The following SH3D19 variants were observed in gnomAD, a reference collection of about 807,000 sequenced individuals.
The protein encoded by SH3D19 is SH3 domain-containing protein 19.
In SH3D19, 58 loss-of-function variants were observed where a neutral mutation model predicts 112.1. The ratio of observed to expected loss-of-function variants is 0.52; its 90% CI spans 0.42 to 0.64. The LOEUF (loss-of-function observed/expected upper bound fraction) is 0.64, where lower values mean the gene tolerates loss of function less well. Among genes scored for constraint, SH3D19 ranks in the 30% least tolerant of loss-of-function variants. The pLI, the probability that SH3D19 is intolerant of heterozygous loss-of-function variation, is 0.00. For missense variants in SH3D19, 1,090 were observed against 1,263.4 expected, an observed-to-expected ratio of 0.86 and a Z score of 2.08; for synonymous variants, 391 against 448.5, an observed-to-expected ratio of 0.87 and a Z score of 1.62.
chr4:151,166,209 G>A (rs1252590528), intron 7 of SH3D19: 1 of 152,132 alleles, frequency 6.6e-6, no homozygotes, highest in African/African-American at 2.4e-5. Context: ...CTACACTTCA[G>A]TAACATGAAA....
intron 13 of SH3D19, among the ~76,000 whole-genome samples, chr4:151,138,684 TCTCACA>T (rs745689043): frequency 0.16 from 22,371 of 135,676 alleles, 2,089 homozygotes; most frequent in Middle Eastern, 0.21. Context: ...CAAGATCTTG[TCTCACA>T]CACACACACA....
chr4:151,251,173 TTTG>T (rs1771350563), intron 1 of SH3D19, among the ~76,000 whole-genome samples: 1 of 121,870 alleles, frequency 8.2e-6, no homozygotes, highest in Non-Finnish European at 2.0e-5. Context: ...TGCCAACCCA[TTTG>T]TTCTTTCTTT....
At chr4:151,165,561 C>T (rs750808523) in intron 8 of SH3D19, 28 bp downstream of exon 8, 3 of 1,533,852 alleles carry the variant, frequency 2.0e-6, no homozygotes, top group Non-Finnish European at 1.8e-6. Context: ...CTTGAAGAAG[C>T]TAATAAAGAA....
At chr4:151,227,638 C>T in intron 1 of SH3D19, 1 of 479,918 alleles carries the variant, frequency 2.1e-6, no homozygotes, top group Non-Finnish European at 2.7e-6. Context: ...TCATTTCTCT[C>T]AATCATTCTC....
intron 4 of SH3D19, among the ~76,000 whole-genome samples, chr4:151,178,577 A>G (rs1291857850): frequency 6.6e-6 from 1 of 152,196 alleles, no homozygotes; most frequent in Non-Finnish European, 1.5e-5. Context: ...TGATGTAGGT[A>G]TGATTAGCAC....
intron 1 of SH3D19, among the ~76,000 whole-genome samples, chr4:151,275,750 G>A (rs1269349954): frequency 6.6e-6 from 1 of 151,836 alleles, no homozygotes; most frequent in Non-Finnish European, 1.5e-5. Context: ...CAAACTCCTG[G>A]TCTCAAGGGA....
intron 1 of SH3D19, among the ~76,000 whole-genome samples, chr4:151,229,034 A>AT (rs1173784673): frequency 3.4e-4 from 27 of 79,794 alleles, no homozygotes; most frequent in African/African-American, 1.7e-4. Flanking sequence ...TAGCTAATTA[A>AT]ATTTTTTTTT....
At chr4:151,274,804 T>C (rs1773465499) in intron 1 of SH3D19, among the ~76,000 whole-genome samples, 1 of 152,190 alleles carries the variant, frequency 6.6e-6, no homozygotes, top group South Asian at 2.1e-4. Context: ...ATTTATTTCC[T>C]CACAGTTCTG....
At chr4:151,187,901 A>T (rs1021393298) in intron 2 of SH3D19, among the ~76,000 whole-genome samples, 1 of 152,172 alleles carries the variant, frequency 6.6e-6, no homozygotes, top group South Asian at 2.1e-4. Flanking sequence ...TTTCTTCTTA[A>T]GATTAGAATT....
At chr4:151,194,274 A>C (rs1763081462) in intron 2 of SH3D19, among the ~76,000 whole-genome samples, 1 of 151,534 alleles carries the variant, frequency 6.6e-6, no homozygotes, top group African/African-American at 2.4e-5. Flanking sequence ...TGATCCACCC[A>C]CCACGGCCTC....
At chr4:151,306,581 A>G (rs1322609311) in intron 1 of SH3D19, among the ~76,000 whole-genome samples, 1 of 152,238 alleles carries the variant, frequency 6.6e-6, no homozygotes. Context: ...TAAAACCCCA[A>G]TTCTTCATTA....
At chr4:151,307,050 G>A (rs1314604931) in intron 1 of SH3D19, among the ~76,000 whole-genome samples, 1 of 131,940 alleles carries the variant, frequency 7.6e-6, no homozygotes, top group Non-Finnish European at 1.5e-5. Context: ...ACGGAGTCTC[G>A]CTCTGTCGCC....
chr4:151,165,613 G>T lies in SH3D19; in HGVS notation c.1618C>A (p.Arg540=). Residue 540 remains arginine (R), a synonymous_variant, in exon 8 of 20, where the codon CGA becomes AGA. Coordinates refer to ENST00000604030, the MANE Select transcript of SH3D19 (RefSeq NM_001378122.1). Reference sequence around the variant, plus strand: ...CATTTTCCTGGTTTGGCTGGAATTCGAATTACAGTGGGCTTCCTGGTGGGT... The same window carrying T: ...CATTTTCCTGGTTTGGCTGGAATTCTAATTACAGTGGGCTTCCTGGTGGGT... ...PAPTRKPTVI[R]IPAKPGKCLH... is the part of the protein sequence containing the mutation. 6.2e-7 allele frequency: 1 copy of T among 1,614,022 alleles called. No homozygotes were observed. The highest frequency in any genetic ancestry group is 8.5e-7 in the Non-Finnish European group (1 of 1,179,948).
intron 19 of SH3D19, among the ~76,000 whole-genome samples, chr4:151,126,525 G>A (rs1462676798): frequency 1.3e-5 from 2 of 152,058 alleles, no homozygotes. Context: ...GCCGGGCGCG[G>A]TGGCTCACGC....
At chr4:151,305,275 AC>A (rs1341891633) in intron 1 of SH3D19, among the ~76,000 whole-genome samples, 1 of 152,210 alleles carries the variant, frequency 6.6e-6, no homozygotes, top group Non-Finnish European at 1.5e-5. Context: ...ATCAATACAA[AC>A]TGTTCTTTCT....
rs1309442731 is a variant in SH3D19 at position 151,120,589 on chromosome 4, C to T, written c.*1502G>A. 6.6e-6 allele frequency: 1 copy of T among 152,108 alleles called. No homozygotes were observed. The allele number at this position is 152,108 out of a possible 1,614,324, so 9.4% of individuals were successfully genotyped here. On this transcript the variant is annotated 3_prime_UTR_variant, in exon 20 of 20. Transcript: ENST00000604030. ...AAATTTGACAAGAATTTTCTTTATA[C>T]TCTCTTCTTTACCAAAACGTATTAG...
At chr4:151,282,232 CA>C in intron 1 of SH3D19, 1 of 1,613,892 alleles carries the variant, frequency 6.2e-7, no homozygotes, top group Non-Finnish European at 8.5e-7. Context: ...ACTACGTGTC[CA>C]AAATCGTCAT....
At chr4:151,306,358 T>C (rs925290809) in intron 1 of SH3D19, among the ~76,000 whole-genome samples, 3 of 152,236 alleles carry the variant, frequency 2.0e-5, no homozygotes, top group Non-Finnish European at 4.4e-5. Context: ...GTCATTTTTC[T>C]TATTTTAATA....
At chr4:151,236,102 G>C (rs562654326) in intron 1 of SH3D19, among the ~76,000 whole-genome samples, 47 of 152,350 alleles carry the variant, frequency 3.1e-4, no homozygotes, top group African/African-American at 1.1e-3. Context: ...AGCAGCCCTC[G>C]TTCACTCTTG....
Sources: gnomAD v4.1 joint callset for allele counts (sites outside exome capture counted in the v4.1 genomes callset) on GRCh38, gnomAD v4.1.1 for gene constraint, MANE v1.5 for transcripts, NCBI Gene and HGNC (gene_info 2026-07-23, HGNC 2026-07-21) for gene names.